THEMIS: variants seen among roughly 807,000 people sequenced by gnomAD.
THEMIS encodes thymocyte selection associated.
In THEMIS, 37 loss-of-function variants were observed where a neutral mutation model predicts 52.6. The ratio of observed to expected loss-of-function variants is 0.70; its 90% CI spans 0.54 to 0.93. THEMIS has a LOEUF of 0.93. Ranked by LOEUF, THEMIS falls within the 40% of genes least tolerant of loss-of-function variation. The pLI is 0.00. For missense variants in THEMIS, 808 were observed against 763.1 expected (o/e 1.06, Z -0.69); for synonymous variants, 292 against 272.7 (o/e 1.07, Z -0.70).
At chr6:127,753,511 A>G (rs1775718790) in intron 4 of THEMIS, among the ~76,000 whole-genome samples, 1 of 152,026 alleles carries the variant, frequency 6.6e-6, no homozygotes, top group African/African-American at 2.4e-5. Context: ...ACATTGACAA[A>G]GGCAAAAATA....
chr6:127,718,163 C>T (rs1774236388), intron 5 of THEMIS, among the ~76,000 whole-genome samples: 1 of 151,524 alleles, frequency 6.6e-6, no homozygotes, highest in Non-Finnish European at 1.5e-5. Context: ...AATTATAATC[C>T]ATAAGGAAGA....
chr6:127,892,831 C>G (rs532087527), intron 1 of THEMIS, among the ~76,000 whole-genome samples: 1 of 152,212 alleles, frequency 6.6e-6, no homozygotes, highest in African/African-American at 2.4e-5. Flanking sequence ...TTTTGTGAAT[C>G]TTTTAATACC....
chr6:127,740,427 A>G (rs560340150), intron 4 of THEMIS, among the ~76,000 whole-genome samples: 1 of 127,896 alleles, frequency 7.8e-6, no homozygotes, highest in Admixed American at 7.2e-5. Flanking sequence ...ACTTTATTGG[A>G]TGTAAAATTC....
intron 4 of THEMIS, among the ~76,000 whole-genome samples, chr6:127,741,765 G>A (rs1026787631): frequency 2.6e-5 from 4 of 152,124 alleles, no homozygotes; most frequent in Non-Finnish European, 4.4e-5. Flanking sequence ...CAAAATAATG[G>A]GTCAAGGTTA....
At chr6:127,869,572 T>C (rs1780092671) in intron 1 of THEMIS, among the ~76,000 whole-genome samples, 1 of 152,146 alleles carries the variant, frequency 6.6e-6, no homozygotes, top group South Asian at 2.1e-4. Context: ...ATTTGCGGAG[T>C]TCCAGGCATA....
At chr6:127,779,154 G>T (rs139665058) in intron 4 of THEMIS, among the ~76,000 whole-genome samples, 2 of 152,082 alleles carry the variant, frequency 1.3e-5, no homozygotes, top group African/African-American at 4.8e-5. Context: ...AGCACATTCA[G>T]GGTTCAACGT....
chr6:127,898,589 T>C (rs1781042553), intron 1 of THEMIS, among the ~76,000 whole-genome samples: 1 of 151,342 alleles, frequency 6.6e-6, no homozygotes, highest in Non-Finnish European at 1.5e-5. Flanking sequence ...GTGTGAAGTT[T>C]TCACACACAC....
chr6:127,731,470 C>G (rs1220107917), intron 4 of THEMIS, among the ~76,000 whole-genome samples: 1 of 151,698 alleles, frequency 6.6e-6, no homozygotes, highest in African/African-American at 2.4e-5. Context: ...ATAATAACAG[C>G]TAACATTTAT....
At chr6:127,746,957 TA>T (rs1212345624) in intron 4 of THEMIS, among the ~76,000 whole-genome samples, 2 of 85,032 alleles carry the variant, frequency 2.4e-5, no homozygotes, top group African/African-American at 9.9e-5. Flanking sequence ...TAATTATATA[TA>T]GATATCTATA....
chr6:127,788,146 T>C (rs569154808), intron 4 of THEMIS, among the ~76,000 whole-genome samples: 45 of 152,192 alleles, frequency 3.0e-4, no homozygotes, highest in Admixed American at 2.8e-3. Context: ...TATTTTGCGA[T>C]GTTAGCAAAT....
intron 1 of THEMIS, among the ~76,000 whole-genome samples, chr6:127,856,635 A>G (rs907878168): frequency 6.6e-6 from 1 of 151,992 alleles, no homozygotes; most frequent in African/African-American, 2.4e-5. Context: ...GAATACATCT[A>G]AAGAATACAT....
intron 1 of THEMIS, among the ~76,000 whole-genome samples, chr6:127,906,353 A>G (rs1781268616): frequency 6.6e-6 from 1 of 151,914 alleles, no homozygotes. Context: ...TACCTTCAAA[A>G]TATCTAAAGC....
intron 1 of THEMIS, among the ~76,000 whole-genome samples, chr6:127,912,770 T>G (rs1329455731): frequency 6.6e-6 from 1 of 152,206 alleles, no homozygotes; most frequent in Non-Finnish European, 1.5e-5. Flanking sequence ...GTTAAGCAAA[T>G]GTAAGAGGAA....
intron 4 of THEMIS, among the ~76,000 whole-genome samples, chr6:127,722,570 C>A (rs1774398176): frequency 6.6e-6 from 1 of 151,894 alleles, no homozygotes; most frequent in South Asian, 2.1e-4. Flanking sequence ...TTGTCTCTAC[C>A]TTCTTACCCT....
At chr6:127,774,749 CA>C (rs916541146) in intron 4 of THEMIS, among the ~76,000 whole-genome samples, 1 of 152,154 alleles carries the variant, frequency 6.6e-6, no homozygotes, top group Non-Finnish European at 1.5e-5. Context: ...CCTAAACCCC[CA>C]AATCTCATCA....
intron 1 of THEMIS, among the ~76,000 whole-genome samples, chr6:127,877,640 C>A (rs773719115): frequency 1.3e-5 from 2 of 152,158 alleles, no homozygotes; most frequent in African/African-American, 2.4e-5. Context: ...ATCTTATATG[C>A]TCACTGTTCG....
chr6:127,903,790 C>G (rs1781204406), upstream of THEMIS, among the ~76,000 whole-genome samples: 1 of 150,660 alleles, frequency 6.6e-6, no homozygotes, highest in Non-Finnish European at 1.5e-5. Context: ...TGGGTAAAGG[C>G]CACTTGTTAG....
intron 5 of THEMIS, among the ~76,000 whole-genome samples, chr6:127,715,533 C>A (rs1360724540): frequency 6.6e-6 from 1 of 151,830 alleles, no homozygotes; most frequent in Non-Finnish European, 1.5e-5. Context: ...CTTGTCTAAT[C>A]CTCAAAATGG....
At chr6:127,916,163 A>G (rs1781522435) in intron 1 of THEMIS, among the ~76,000 whole-genome samples, 1 of 151,794 alleles carries the variant, frequency 6.6e-6, no homozygotes, top group Admixed American at 6.6e-5. Context: ...AGGAGTTAGA[A>G]AAAGTTTAAT....
Sources: allele counts gnomAD v4.1 joint callset (sites outside exome capture counted in the v4.1 genomes callset), GRCh38; gene constraint gnomAD v4.1.1; transcripts MANE v1.5; gene names NCBI Gene and HGNC (gene_info 2026-07-23, HGNC 2026-07-21).